RNF17: variants seen among roughly 807,000 people sequenced by gnomAD.
The protein encoded by RNF17 is ring finger protein 17, also known as spermatogenesis associated 23.
A neutral mutation model predicts 200.5 loss-of-function variants in RNF17; 31 were observed. The observed-to-expected ratio is 0.15, with a 90% CI of 0.12 to 0.21. The LOEUF (loss-of-function observed/expected upper bound fraction) is 0.21, where lower values mean the gene tolerates loss of function less well. Ranked by LOEUF, RNF17 falls within the 10% of genes least tolerant of loss-of-function variation. The pLI, the probability that RNF17 is intolerant of heterozygous loss-of-function variation, is 1.00. For missense variants in RNF17, 1,628 were observed against 1,905.1 expected, an observed-to-expected ratio of 0.85 and a Z score of 2.71; for synonymous variants, 606 against 637.8, an observed-to-expected ratio of 0.95 and a Z score of 0.75.
At chr13:24,858,734 CTATTTTGAATTGG>C (rs1892783086) in intron 25 of RNF17, among the ~76,000 whole-genome samples, 1 of 151,976 alleles carries the variant, frequency 6.6e-6, no homozygotes, top group African/African-American at 2.4e-5. Flanking sequence ...CAAACTGACC[CTATTTTGAATTGG>C]TAGTACTTTC....
chr13:24,826,066 G>C (rs971205923), intron 16 of RNF17: 6 of 985,032 alleles, frequency 6.1e-6, no homozygotes, highest in Non-Finnish European at 6.0e-6. Flanking sequence ...GATGTTGACT[G>C]TTTGTCTGTC....
rs1202856446 is a variant in RNF17 at position 24,812,313 on chromosome 13, C to T, written c.2091+7884C>T. 2.0e-5 allele frequency among the ~76,000 whole-genome samples: 3 copies of T among 152,022 alleles called. 1 individual carries two copies. In the East Asian group the frequency reaches 6.0e-4, roughly 31 times the overall value. On this transcript the variant is annotated intron_variant, in intron 15 of 35. Transcript: ENST00000255324. ...AGCGAGACTCCGTGGGCGTAGGACA[C>T]TCTGAGCCATGTGCGGGATATAATC...
At position 24,877,081 on chromosome 13, in the gene RNF17, G is replaced by T. The variant is rs1444783027; in HGVS notation, c.4668G>T (p.Arg1556Ser). The change falls in exon 34 of 36, where the codon AGG becomes AGT. Residue 1556 changes from arginine (R) to serine (S), a missense_variant. This residue lies in a region of RNF17 where 609 missense variants were observed against 681.9 expected (regional missense o/e 0.89). Transcript: ENST00000255324. ...TGGCAGGGTTTAAACCTCCCTTAAG[G>T]GATCTAGGGGAGACAAGAATACCAT... ...VLLAGFKPPL[R>S]DLGETRIPYC... The T allele has an allele frequency of 1.2e-6, 2 of 1,612,500 alleles. No homozygotes were observed. The highest frequency in any genetic ancestry group is 1.7e-6 in the Non-Finnish European group (2 of 1,178,948).
intron 11 of RNF17, among the ~76,000 whole-genome samples, chr13:24,797,705 A>AGAGTGTGTGTGTGT (rs1555269365): frequency 5.0e-5 from 6 of 119,096 alleles, no homozygotes; most frequent in Non-Finnish European, 6.9e-5. Context: ...AGAGACAAAG[A>AGAGTGTGTGTGTGT]GTGTGTGTGT....
At chr13:24,877,928 T>C (rs78015960) in intron 34 of RNF17, among the ~76,000 whole-genome samples, 2,523 of 152,324 alleles carry the variant, frequency 0.017, 66 homozygotes, top group East Asian at 0.081. Flanking sequence ...CACACAGTGT[T>C]TTAAAGTTGG....
At chr13:24,813,789 G>A (rs1009368063) in intron 15 of RNF17, among the ~76,000 whole-genome samples, 30 of 134,516 alleles carry the variant, frequency 2.2e-4, no homozygotes, top group Non-Finnish European at 3.7e-4. Flanking sequence ...AGCACAGCTC[G>A]CTAATTTTTT....
chr13:24,861,495 A>G (rs927052241), intron 27 of RNF17, 108 bp downstream of exon 27: 3 of 764,910 alleles, frequency 3.9e-6, no homozygotes, highest in South Asian at 2.5e-5. Context: ...GCAACAAAAA[A>G]GTAATAAAAC....
intron 32 of RNF17, among the ~76,000 whole-genome samples, chr13:24,871,853 G>A (rs117516980): frequency 8.0e-4 from 121 of 151,764 alleles, no homozygotes; most frequent in African/African-American, 2.5e-3. Flanking sequence ...GTCTGGTCTC[G>A]AATTCCTGAC....
chr13:24,856,979 C>G (rs1892580012), intron 25 of RNF17, among the ~76,000 whole-genome samples: 1 of 152,074 alleles, frequency 6.6e-6, no homozygotes, highest in Non-Finnish European at 1.5e-5. Context: ...GGAAAGGTGA[C>G]TTTTTTGAGA....
At chr13:24,776,358 G>A (rs766933313) in intron 3 of RNF17, among the ~76,000 whole-genome samples, 177 of 152,142 alleles carry the variant, frequency 1.2e-3, no homozygotes, top group Non-Finnish European at 1.2e-3. Context: ...CATTACCACC[G>A]TAGCTTCTCT....
intron 23 of RNF17, 122 bp from the exon 24 acceptor site, chr13:24,851,334 G>A: frequency 1.4e-6 from 1 of 731,176 alleles, no homozygotes; most frequent in Non-Finnish European, 2.3e-6. Context: ...AAAATAACTT[G>A]ACTCAGCTGG....
Position 24,770,493 on chromosome 13 carries a change from T to A in RNF17, c.225+3127T>A, listed in dbSNP as rs367972679. On this transcript the variant is annotated intron_variant, in intron 2 of 35. Coordinates refer to ENST00000255324, the MANE Select transcript of RNF17 (RefSeq NM_031277.3). ...TGCTGATAATAGCATTAACCTCTTA[T>A]GAAATGCTAAGCCAAAGTGTGATGA... 9.9e-5 allele frequency among the ~76,000 whole-genome samples: 15 copies of A among 152,272 alleles called. No individual in the cohort carries two copies. In the East Asian group the frequency reaches 2.9e-3, roughly 29 times the overall value.
intron 6 of RNF17, among the ~76,000 whole-genome samples, chr13:24,784,863 G>A (rs1882889937): frequency 6.6e-6 from 1 of 151,706 alleles, no homozygotes; most frequent in Non-Finnish European, 1.5e-5. Context: ...CCTGCCACCC[G>A]CCCAGCTAAT....
chr13:24,798,627 T>C (rs973936502), intron 11 of RNF17, among the ~76,000 whole-genome samples: 18 of 152,180 alleles, frequency 1.2e-4, no homozygotes, highest in Non-Finnish European at 2.5e-4. Context: ...TTGGGCTAGA[T>C]TAGGTTTTCT....
At chr13:24,844,937 G>C in intron 21 of RNF17, 24 bp from the exon 22 acceptor site, 1 of 1,559,884 alleles carries the variant, frequency 6.4e-7, no homozygotes, top group African/African-American at 1.4e-5. Flanking sequence ...TTTGTCTGTA[G>C]ACTTAAAGTT....
At chr13:24,821,860 C>T (rs987235999) in intron 15 of RNF17, among the ~76,000 whole-genome samples, 5 of 152,020 alleles carry the variant, frequency 3.3e-5, no homozygotes, top group Non-Finnish European at 5.9e-5. Flanking sequence ...AAAATAATTT[C>T]AGAAAATAAT....
intron 18 of RNF17, among the ~76,000 whole-genome samples, chr13:24,840,863 C>T (rs1446702124): frequency 1.3e-5 from 2 of 152,054 alleles, no homozygotes; most frequent in African/African-American, 4.8e-5. Flanking sequence ...CCAAATACCA[C>T]GTGTACCCCT....
intron 6 of RNF17, 67 bp from the exon 7 acceptor site, chr13:24,787,921 T>C (rs1883335665): frequency 1.5e-6 from 2 of 1,299,604 alleles, no homozygotes; most frequent in African/African-American, 1.5e-5. Context: ...TTCAAGATAC[T>C]ATAGATCGAC....
At chr13:24,806,733 G>A (rs1168485170) in intron 15 of RNF17, among the ~76,000 whole-genome samples, 2 of 151,164 alleles carry the variant, frequency 1.3e-5, no homozygotes, top group Non-Finnish European at 2.9e-5. Flanking sequence ...GTGCCATGCT[G>A]GTGCGCTGCA....
Sources: gnomAD v4.1 joint callset for allele counts (sites outside exome capture counted in the v4.1 genomes callset) on GRCh38, gnomAD v4.1.1 for gene constraint, gnomAD v4.1.1 regional missense constraint, MANE v1.5 for transcripts, NCBI Gene and HGNC (gene_info 2026-07-23, HGNC 2026-07-21) for gene names.